The following ARHGEF33 variants were observed in gnomAD, a reference collection of about 807,000 sequenced individuals.
The protein encoded by ARHGEF33 is Rho guanine nucleotide exchange factor 33.
Under a neutral mutation model 101.9 loss-of-function variants are expected in ARHGEF33, and 72 were observed. That is an observed-to-expected ratio of 0.71 (90% CI 0.58 to 0.86). ARHGEF33 has a LOEUF of 0.86. Ranked by LOEUF, ARHGEF33 falls within the 40% of genes least tolerant of loss-of-function variation. ARHGEF33 has a pLI of 0.00. For missense variants in ARHGEF33, 1,169 were observed against 1,111.3 expected (o/e 1.05, Z -0.74); for synonymous variants, 499 against 442.5 (o/e 1.13, Z -1.60).
chr2:38,897,822 C>T (rs142256955), intron 2 of ARHGEF33, among the ~76,000 whole-genome samples: 206 of 152,280 alleles, frequency 1.4e-3, no homozygotes, highest in African/African-American at 4.8e-3. Flanking sequence ...TATTGAAGGA[C>T]GCTAGGAGTT....
chr2:38,947,797 A>G (rs1453367161), intron 10 of ARHGEF33, among the ~76,000 whole-genome samples: 2 of 152,144 alleles, frequency 1.3e-5, no homozygotes, highest in Non-Finnish European at 2.9e-5. Flanking sequence ...TGCTGTGTCC[A>G]CCAAGAGCTC....
rs149142527 is a variant in ARHGEF33, at chr2:38,922,017, A to G, written c.75+594A>G. On this transcript the variant is annotated intron_variant, in intron 4 of 17. Transcript: ENST00000409978. ...AAACAATTTGCTTTACAAGGAAGAT[A>G]AAAGTTCTGCAAAACATCTTTGCAG... Among the ~76,000 whole-genome samples the G allele has an allele frequency of 1.5e-4, 23 of 152,330 alleles. No homozygotes were observed. In the East Asian group the frequency reaches 4.4e-3, roughly 29 times the overall value.
intron 9 of ARHGEF33, among the ~76,000 whole-genome samples, chr2:38,942,275 C>T (rs1667331204): frequency 6.8e-6 from 1 of 146,564 alleles, no homozygotes; most frequent in African/African-American, 2.5e-5. Context: ...TCAAACTATT[C>T]TCCTGCCTCA....
At chr2:38,945,500 T>C (rs908411039) in intron 10 of ARHGEF33, among the ~76,000 whole-genome samples, 2 of 152,232 alleles carry the variant, frequency 1.3e-5, no homozygotes, top group African/African-American at 4.8e-5. Context: ...CTGCCTAGAT[T>C]CTCAGCCATC....
rs183444490 is a variant in ARHGEF33 at position 38,901,681 on chromosome 2, G to A, written c.-86+5832G>A. On this transcript the variant is annotated intron_variant, in intron 2 of 17. Transcript: ENST00000409978. The stretch of plus-strand genomic sequence containing the variant: ...TAATCACCACTGGAGTCTTACGGTC[G>A]TTCCAGAGACTAAGCCAGCAGACTC... Among the ~76,000 whole-genome samples, 28 of 152,258 alleles carry A rather than the reference G, an allele frequency of 1.8e-4. No homozygotes were observed. The East Asian group carries it at 5.0e-3, about 27-fold the overall frequency.
At chr2:38,896,904 C>T (rs1453942697) in intron 2 of ARHGEF33, among the ~76,000 whole-genome samples, 2 of 152,042 alleles carry the variant, frequency 1.3e-5, no homozygotes, top group Non-Finnish European at 2.9e-5. Flanking sequence ...TTTCTTTTTG[C>T]CCGGCATACT....
At position 38,958,050 on chromosome 2, in the gene ARHGEF33, C is replaced by G. The variant is rs1304445500; in HGVS notation, c.1387C>G (p.Leu463Val). The G allele has an allele frequency of 6.4e-7, 1 of 1,552,292 alleles. No homozygotes were observed. Among genetic ancestry groups the G allele is most frequent in the Non-Finnish European group, 8.7e-7 (1 of 1,147,142 alleles). ...TTCTGTTAGGTCATCCATGGCGAAG[C>G]TGTACAAAGGGCTGGCTTCCCAGTG... ...KKLKKSSMAK[L>V]YKGLASQCAN... Residue 463 changes from leucine (L) to valine (V), a missense_variant, in exon 15 of 18, where the codon CTG (leucine) becomes GTG (valine). Leu to Val is a conservative substitution (Grantham distance 32, BLOSUM62 1). Transcript: ENST00000409978.
intron 17 of ARHGEF33, among the ~76,000 whole-genome samples, chr2:38,968,612 G>A (rs1463948170): frequency 6.6e-6 from 1 of 152,218 alleles, no homozygotes; most frequent in African/African-American, 2.4e-5. Flanking sequence ...TAGATAAAGA[G>A]CCAGTGGATT....
chr2:38,952,387 G>C (rs1667633400), intron 11 of ARHGEF33, among the ~76,000 whole-genome samples: 1 of 152,274 alleles, frequency 6.6e-6, no homozygotes, highest in Admixed American at 6.5e-5. Flanking sequence ...AGGGGATAAT[G>C]CATAGATAAA....
intron 16 of ARHGEF33, among the ~76,000 whole-genome samples, chr2:38,961,316 T>C (rs776399439): frequency 1.3e-5 from 2 of 152,160 alleles, no homozygotes; most frequent in Non-Finnish European, 2.9e-5. Context: ...ATAGAAACCT[T>C]CTTTGGCCTC....
intron 17 of ARHGEF33, among the ~76,000 whole-genome samples, chr2:38,967,499 C>T (rs530622755): frequency 3.3e-5 from 5 of 152,298 alleles, no homozygotes; most frequent in African/African-American, 1.2e-4. Context: ...TCTTTCTTGA[C>T]CCAGCGCCAA....
intron 7 of ARHGEF33, 54 bp from the exon 8 acceptor site, chr2:38,935,721 C>A: frequency 6.9e-7 from 1 of 1,456,708 alleles, no homozygotes; most frequent in Non-Finnish European, 9.4e-7. Flanking sequence ...GTGGAAGGTG[C>A]TTAGTCCATG....
chr2:38,953,757 A>G (rs968290552), intron 12 of ARHGEF33, among the ~76,000 whole-genome samples: 6 of 152,186 alleles, frequency 3.9e-5, no homozygotes, highest in Non-Finnish European at 8.8e-5. Flanking sequence ...AAGCCCCAAC[A>G]CTAAGAGTTA....
At chr2:38,928,849 A>G (rs539564462) in intron 4 of ARHGEF33, 58 bp from the exon 5 acceptor site, 10 of 1,464,196 alleles carry the variant, frequency 6.8e-6, no homozygotes, top group African/African-American at 5.7e-5. Context: ...TCAAGGTCCA[A>G]TGGTGCCACT....
Position 38,960,015 on chromosome 2 carries a change from G to A in ARHGEF33, c.1710G>A (p.Gly570=). Residue 570 remains glycine, a synonymous_variant, in exon 16 of 18, where the codon GGG becomes GGA. Coordinates refer to ENST00000409978, the MANE Select transcript of ARHGEF33 (RefSeq NM_001145451.5). The part of the protein sequence containing the change: ...AAEQDVKALA[G]PLQAIPEMDF... ...AGCAGGACGTGAAGGCGCTGGCCGG[G>A]CCCCTGCAGGCCATCCCGGAGATGG... is the stretch of plus-strand genomic sequence containing the variant. The A allele has an allele frequency of 2.6e-6, 4 of 1,547,380 alleles. No individual in the cohort carries two copies. Among genetic ancestry groups the A allele is most frequent in the Non-Finnish European group, 3.5e-6 (4 of 1,144,754 alleles).
At chr2:38,950,535 T>C (rs1050898967) in intron 10 of ARHGEF33, among the ~76,000 whole-genome samples, 1 of 152,228 alleles carries the variant, frequency 6.6e-6, no homozygotes, top group Non-Finnish European at 1.5e-5. Context: ...CACTGCAACC[T>C]GTACCTCCCG....
At chr2:38,951,158 T>A in intron 11 of ARHGEF33, 37 bp downstream of exon 11, 1 of 1,542,856 alleles carries the variant, frequency 6.5e-7, no homozygotes, top group Non-Finnish European at 8.8e-7. Flanking sequence ...ATTTTACTTA[T>A]ACGGATTTGT....
intron 2 of ARHGEF33, among the ~76,000 whole-genome samples, chr2:38,910,895 A>G (rs1177945771): frequency 1.3e-5 from 2 of 152,180 alleles, no homozygotes; most frequent in African/African-American, 2.4e-5. Flanking sequence ...GAAGCAGTTT[A>G]TTTAAATTTA....
intron 2 of ARHGEF33, among the ~76,000 whole-genome samples, chr2:38,912,526 T>C (rs1666530890): frequency 6.6e-6 from 1 of 152,228 alleles, no homozygotes; most frequent in Admixed American, 6.5e-5. Context: ...CTAGAAATTC[T>C]GTTCTGGAAA....
Sources: gnomAD v4.1 joint callset for allele counts (sites outside exome capture counted in the v4.1 genomes callset) on GRCh38, gnomAD v4.1.1 for gene constraint, MANE v1.5 for transcripts, NCBI Gene and HGNC (gene_info 2026-07-23, HGNC 2026-07-21) for gene names.